Variants in TTC27 observed in about 807,000 individuals in gnomAD.
The protein encoded by TTC27 is tetratricopeptide repeat protein 27.
In TTC27, 79 loss-of-function variants were observed where a neutral mutation model predicts 115.9. The observed-to-expected ratio is 0.68, with a 90% CI of 0.57 to 0.82. TTC27 has a LOEUF of 0.82. Ranked by LOEUF, TTC27 falls within the 40% of genes least tolerant of loss-of-function variation. The pLI is 0.00. For missense variants in TTC27, 1,054 were observed against 993.1 expected, an observed-to-expected ratio of 1.06 and a Z score of -0.82; for synonymous variants, 401 against 356.0, an observed-to-expected ratio of 1.13 and a Z score of -1.42.
intron 16 of TTC27, among the ~76,000 whole-genome samples, chr2:32,790,741 G>A (rs572570813): frequency 1.4e-3 from 210 of 147,964 alleles, no homozygotes; most frequent in Non-Finnish European, 2.1e-3. Flanking sequence ...CCACCCTGAC[G>A]CTAGTGACCA....
At chr2:32,735,063 G>A (rs1382908571) in intron 11 of TTC27, among the ~76,000 whole-genome samples, 1 of 152,054 alleles carries the variant, frequency 6.6e-6, no homozygotes, top group Non-Finnish European at 1.5e-5. Flanking sequence ...ATACACATAG[G>A]TAGTGAGTTA....
chr2:32,644,816 C>T (rs1272323958), intron 4 of TTC27, among the ~76,000 whole-genome samples: 5 of 148,718 alleles, frequency 3.4e-5, no homozygotes, highest in Non-Finnish European at 5.9e-5. Context: ...TCCCTCCCTC[C>T]CTCCCTCCCT....
At chr2:32,809,895 G>A (rs1381771765) in intron 16 of TTC27, among the ~76,000 whole-genome samples, 1 of 152,060 alleles carries the variant, frequency 6.6e-6, no homozygotes, top group Non-Finnish European at 1.5e-5. Flanking sequence ...AAGGCGGGTG[G>A]GTCACGAGGT....
In TTC27 at chr2:32,638,972, A is replaced by G. The variant is rs547976888; in HGVS notation, c.397-1298A>G. On this transcript the variant is annotated intron_variant, in intron 3 of 19. Coordinates refer to ENST00000317907, the MANE Select transcript of TTC27 (RefSeq NM_017735.5). The stretch of plus-strand genomic sequence containing the variant: ...CTCAGCCTCCCAAGTAGCTGGGACT[A>G]CAGGCACCCACCACCACGCCCGGCT... Among the ~76,000 whole-genome samples the G allele has an allele frequency of 6.6e-5, 10 of 152,168 alleles. No individual in the cohort carries two copies. In the South Asian group the frequency reaches 1.9e-3, roughly 28 times the overall value.
chr2:32,759,853 T>G (rs1669375684), intron 13 of TTC27, among the ~76,000 whole-genome samples: 1 of 152,248 alleles, frequency 6.6e-6, no homozygotes, highest in Admixed American at 6.5e-5. Context: ...TATTTGTCCT[T>G]TTGTGACTGA....
chr2:32,790,457 C>T (rs1250238675), intron 16 of TTC27, among the ~76,000 whole-genome samples: 1 of 151,982 alleles, frequency 6.6e-6, no homozygotes, highest in Non-Finnish European at 1.5e-5. Context: ...AATTGGCAAA[C>T]TCTAATTGTA....
At chr2:32,793,482 T>C (rs1479183208) in intron 16 of TTC27, among the ~76,000 whole-genome samples, 1 of 152,128 alleles carries the variant, frequency 6.6e-6, no homozygotes, top group Non-Finnish European at 1.5e-5. Flanking sequence ...TAAAGATAAA[T>C]ATAAGAACAA....
intron 13 of TTC27, among the ~76,000 whole-genome samples, chr2:32,764,761 A>G (rs1669568108): frequency 6.6e-6 from 1 of 152,248 alleles, no homozygotes; most frequent in African/African-American, 2.4e-5. Context: ...TTTATGTAAT[A>G]TTCTAAATCC....
chr2:32,762,443 T>C (rs986295485), intron 13 of TTC27, among the ~76,000 whole-genome samples: 1 of 152,140 alleles, frequency 6.6e-6, no homozygotes, highest in Non-Finnish European at 1.5e-5. Flanking sequence ...AATGTGAGGC[T>C]AAACCGTTGG....
intron 10 of TTC27, among the ~76,000 whole-genome samples, chr2:32,711,932 C>T (rs1171503782): frequency 6.6e-6 from 1 of 151,584 alleles, no homozygotes; most frequent in Non-Finnish European, 1.5e-5. Context: ...GAGTGAGACT[C>T]TGTCTCAAAA....
At chr2:32,735,050 A>T (rs1668406562) in intron 11 of TTC27, among the ~76,000 whole-genome samples, 2 of 152,156 alleles carry the variant, frequency 1.3e-5, no homozygotes, top group African/African-American at 2.4e-5. Flanking sequence ...TCTTTCATGG[A>T]TCATACACAT....
At chr2:32,702,027 A>G (rs1205597748) in intron 9 of TTC27, among the ~76,000 whole-genome samples, 2 of 149,894 alleles carry the variant, frequency 1.3e-5, no homozygotes, top group Non-Finnish European at 3.0e-5. Flanking sequence ...AAAAAAAAAC[A>G]AAAACAAAAA....
chr2:32,812,756 G>A, intron 18 of TTC27, 141 bp downstream of exon 18: 2 of 634,158 alleles, frequency 3.2e-6, no homozygotes, highest in Non-Finnish European at 2.7e-6. Context: ...ATTTAATTCA[G>A]CAAACATTCA....
chr2:32,750,439 A>C (rs964236480), intron 12 of TTC27, among the ~76,000 whole-genome samples: 131 of 152,328 alleles, frequency 8.6e-4, no homozygotes, highest in African/African-American at 3.1e-3. Context: ...GAAATCCTTG[A>C]TAGGTTCTCC....
At position 32,718,752 on chromosome 2, in the gene TTC27, A is replaced by G. The variant is rs558372917; in HGVS notation, c.1234-15076A>G. ...ACTGCAGACTCTGCACTGTGACCAG[A>G]GTGTGGCTAACTAGCAGGCTTCTGT... On this transcript the variant is annotated intron_variant, in intron 10 of 19. Transcript: ENST00000317907. 9.1e-4 allele frequency among the ~76,000 whole-genome samples: 139 copies of G among 152,266 alleles called. 1 individual carries two copies. The highest frequency in any genetic ancestry group is 1.5e-3 in the Non-Finnish European group (99 of 68,024).
chr2:32,782,564 G>A, intron 14 of TTC27, 62 bp from the exon 15 acceptor site: 1 of 1,486,954 alleles, frequency 6.7e-7, no homozygotes, highest in Non-Finnish European at 9.3e-7. Flanking sequence ...TGTACTTTTG[G>A]TTTAAGCAAT....
At chr2:32,656,267 C>T (rs1665311925) in intron 5 of TTC27, among the ~76,000 whole-genome samples, 1 of 152,102 alleles carries the variant, frequency 6.6e-6, no homozygotes, top group African/African-American at 2.4e-5. Context: ...GACTAAAATA[C>T]AGGTAGGACA....
At chr2:32,736,531 T>C (rs561158285) in intron 11 of TTC27, among the ~76,000 whole-genome samples, 163 bp from the exon 12 acceptor site, 1 of 152,370 alleles carries the variant, frequency 6.6e-6, no homozygotes, top group South Asian at 2.1e-4. Context: ...AGTAAAGGTA[T>C]GTATTGAATT....
chr2:32,640,220 A>T, intron 3 of TTC27, 50 bp from the exon 4 acceptor site: 1 of 1,518,916 alleles, frequency 6.6e-7, no homozygotes, highest in Non-Finnish European at 8.9e-7. Context: ...ACATATAAAG[A>T]TTAATATTTT....
Sources: allele counts gnomAD v4.1 joint callset (sites outside exome capture counted in the v4.1 genomes callset), GRCh38; gene constraint gnomAD v4.1.1; transcripts MANE v1.5; gene names NCBI Gene and HGNC (gene_info 2026-07-23, HGNC 2026-07-21).